Variants in CCDC171 observed in about 807,000 individuals in gnomAD.
CCDC171 encodes the protein coiled-coil domain-containing protein 171.
A neutral mutation model predicts 168.2 loss-of-function variants in CCDC171; 177 were observed. The observed-to-expected ratio is 1.05, with a 90% CI of 0.93 to 1.19. CCDC171 has a LOEUF of 1.19. Among genes scored for constraint, CCDC171 ranks in the 50% most tolerant of loss-of-function variants. The probability of loss-of-function intolerance (pLI) is 0.00; values close to 1 mark genes in which losing one functional copy is unlikely to be tolerated. For missense variants in CCDC171, 1,991 were observed against 1,539.0 expected, an observed-to-expected ratio of 1.29 and a Z score of -4.91; for synonymous variants, 687 against 540.8, an observed-to-expected ratio of 1.27 and a Z score of -3.75.
At chr9:16,019,054 A>G (rs1020953945) in intron 3 of CCDC171, among the ~76,000 whole-genome samples, 5 of 152,236 alleles carry the variant, frequency 3.3e-5, no homozygotes, top group African/African-American at 1.2e-4. Flanking sequence ...AACAGGAACA[A>G]ATCTGTTGCA....
downstream of CCDC171, among the ~76,000 whole-genome samples, chr9:15,978,527 TAA>T (rs1328912302): frequency 6.6e-6 from 1 of 152,190 alleles, no homozygotes; most frequent in African/African-American, 2.4e-5. Flanking sequence ...CTGTTCTTCC[TAA>T]GAGACAATTT....
the CCDC171 span, among the ~76,000 whole-genome samples, chr9:16,079,484 C>A: frequency 6.6e-6 from 1 of 152,166 alleles, no homozygotes; most frequent in Admixed American, 6.5e-5. Flanking sequence ...AGGCAGAGAT[C>A]AGGTGATGCT....
chr9:15,830,154 T>A (rs989241278), intron 21 of CCDC171, among the ~76,000 whole-genome samples: 1 of 152,216 alleles, frequency 6.6e-6, no homozygotes, highest in South Asian at 2.1e-4. Flanking sequence ...TGTATTTTCC[T>A]AAGTTACTAA....
At chr9:16,104,941 C>G in the CCDC171 span, among the ~76,000 whole-genome samples, 1 of 152,128 alleles carries the variant, frequency 6.6e-6, no homozygotes, top group African/African-American at 2.4e-5. Flanking sequence ...AGCAGACCAT[C>G]TCATTGGGAT....
rs1284438392 is a variant in CCDC171, at chr9:15,846,717, A to G, written c.3283A>G (p.Lys1095Glu). The part of the protein sequence containing the change: ...GEAVKSLSEA[K>E]MELRRKDQSL... Reference sequence around the variant, plus strand: ...CTGCTTGCAGAGTCTCTCCGAGGCAAAGATGGAGCTGAGAAGAAAAGATCA... The same window carrying G: ...CTGCTTGCAGAGTCTCTCCGAGGCAGAGATGGAGCTGAGAAGAAAAGATCA... Residue 1095 changes from lysine to glutamate, a missense_variant, in exon 22 of 26, where the codon AAG becomes GAG. Lys to Glu is a moderately conservative substitution (Grantham distance 56). Transcript: ENST00000380701. 1.2e-6 allele frequency: 2 copies of G among 1,612,906 alleles called. No homozygotes were observed. The highest frequency in any genetic ancestry group is 2.2e-5 in the East Asian group (1 of 44,854).
intron 7 of CCDC171, among the ~76,000 whole-genome samples, chr9:15,637,431 G>A (rs972106590): frequency 4.6e-5 from 7 of 151,468 alleles, no homozygotes; most frequent in Admixed American, 3.3e-4. Flanking sequence ...ATTATAGACT[G>A]GTTTTATTTT....
rs74542745 is a variant in CCDC171, at chr9:15,612,255, G to C, written c.676-11012G>C. ...GTGGCTGTAAATCAGCTTGCTACTAGGCTTCTCTTTTTTTCCGCATTTAGA... is the reference window on the plus strand; with the variant it reads ...GTGGCTGTAAATCAGCTTGCTACTACGCTTCTCTTTTTTTCCGCATTTAGA... On this transcript the variant is annotated intron_variant, in intron 6 of 25. Coordinates refer to ENST00000380701, the MANE Select transcript of CCDC171 (RefSeq NM_173550.4). Among the ~76,000 whole-genome samples, 258 of 152,248 alleles carry C rather than the reference G, an allele frequency of 1.7e-3. 2 individuals are homozygous for C. The highest frequency in any genetic ancestry group is 2.6e-3 in the Non-Finnish European group (178 of 68,026).
At chr9:15,948,178 G>A (rs913810036) in intron 25 of CCDC171, among the ~76,000 whole-genome samples, 7 of 151,408 alleles carry the variant, frequency 4.6e-5, no homozygotes, top group Non-Finnish European at 8.8e-5. Context: ...TGGCTGCATA[G>A]TATTCCATGG....
At chr9:15,683,107 G>A (rs1216960900) in intron 10 of CCDC171, among the ~76,000 whole-genome samples, 2 of 151,946 alleles carry the variant, frequency 1.3e-5, no homozygotes, top group Non-Finnish European at 2.9e-5. Context: ...CTGCCACTCA[G>A]TAATATTTAG....
chr9:15,740,007 G>A (rs144945691), intron 16 of CCDC171, among the ~76,000 whole-genome samples: 2,621 of 152,214 alleles, frequency 0.017, 92 homozygotes, highest in African/African-American at 0.06. Context: ...AAAGTGCTGG[G>A]ATTACAGGTT....
the CCDC171 span, among the ~76,000 whole-genome samples, chr9:16,095,115 A>G: frequency 1.3e-5 from 2 of 152,120 alleles, no homozygotes; most frequent in Admixed American, 1.3e-4. Context: ...GAGCCAAATA[A>G]ACCTCTTTTC....
intron 25 of CCDC171, among the ~76,000 whole-genome samples, chr9:15,959,096 A>G (rs981336452): frequency 6.6e-6 from 1 of 152,114 alleles, no homozygotes; most frequent in African/African-American, 2.4e-5. Context: ...ACTTACACAC[A>G]CTTGCTATCT....
chr9:16,034,758 T>C (rs972501059), intron 6 of CCDC171, among the ~76,000 whole-genome samples: 5 of 152,198 alleles, frequency 3.3e-5, no homozygotes, highest in African/African-American at 1.2e-4. Context: ...CTACCAAAGC[T>C]TCCCTGGATC....
intron 4 of CCDC171, chr9:16,020,813 A>T (rs935256859): frequency 1.4e-4 from 22 of 153,760 alleles, no homozygotes; most frequent in Non-Finnish European, 2.4e-4. Context: ...TTTAAAACTT[A>T]TCAATTGTTT....
At chr9:15,736,646 C>G (rs932429567) in intron 16 of CCDC171, among the ~76,000 whole-genome samples, 1 of 145,978 alleles carries the variant, frequency 6.9e-6, no homozygotes, top group African/African-American at 2.6e-5. Flanking sequence ...GCCACGGTGC[C>G]CGGCTCACAT....
the CCDC171 span, among the ~76,000 whole-genome samples, chr9:16,108,167 C>T: frequency 2.6e-5 from 4 of 152,130 alleles, no homozygotes; most frequent in Admixed American, 6.5e-5. Flanking sequence ...AAATTGGAGG[C>T]TACTTATGGG....
the CCDC171 span, among the ~76,000 whole-genome samples, chr9:16,100,876 C>A: frequency 6.6e-6 from 1 of 152,148 alleles, no homozygotes; most frequent in South Asian, 2.1e-4. Flanking sequence ...GTTTCTTGCT[C>A]CCCCTTCACC....
At chr9:15,976,923 G>A (rs1441085008), downstream of CCDC171, among the ~76,000 whole-genome samples, 2 of 152,064 alleles carry the variant, frequency 1.3e-5, no homozygotes, top group African/African-American at 4.8e-5. Flanking sequence ...AGTGTTAAAT[G>A]TGATCAAACC....
intron 7 of CCDC171, among the ~76,000 whole-genome samples, chr9:15,624,171 G>T (rs976621724): frequency 6.6e-6 from 1 of 152,094 alleles, no homozygotes; most frequent in Non-Finnish European, 1.5e-5. Flanking sequence ...TAACTTTTGG[G>T]AGGAAGGAAG....
Sources: allele counts gnomAD v4.1 joint callset (sites outside exome capture counted in the v4.1 genomes callset), GRCh38; gene constraint gnomAD v4.1.1; transcripts MANE v1.5; gene names NCBI Gene and HGNC (gene_info 2026-07-23, HGNC 2026-07-21).